Variants in USP45 observed in about 807,000 individuals in gnomAD.
USP45 encodes ubiquitin specific peptidase 45.
In USP45, 89 loss-of-function variants were observed where a neutral mutation model predicts 95.8. That is an observed-to-expected ratio of 0.93 (90% confidence interval 0.78 to 1.11). USP45 has a LOEUF of 1.11. USP45 is among the 50% of genes least tolerant of loss of function. The pLI is 0.00. For missense variants in USP45, 898 were observed against 942.5 expected (o/e 0.95, Z 0.62); for synonymous variants, 281 against 316.2 (o/e 0.89, Z 1.18).
intron 14 of USP45, among the ~76,000 whole-genome samples, 196 bp downstream of exon 14, chr6:99,445,601 C>T (rs1443317942): frequency 2.6e-5 from 4 of 152,124 alleles, no homozygotes; most frequent in African/African-American, 9.6e-5. Context: ...ACTTCCTGCT[C>T]TTTATTTAAA....
chr6:99,485,086 T>C (rs1016241197), intron 7 of USP45, among the ~76,000 whole-genome samples: 13 of 151,236 alleles, frequency 8.6e-5, no homozygotes, highest in Non-Finnish European at 2.9e-5. Context: ...TCCTAGCATT[T>C]TGGGAGGCCG....
chr6:99,514,240 A>C (rs1381931973), intron 1 of USP45, among the ~76,000 whole-genome samples: 1 of 152,182 alleles, frequency 6.6e-6, no homozygotes, highest in African/African-American at 2.4e-5. Flanking sequence ...TAGGCTCCTT[A>C]TGCGGTCTCC....
intron 7 of USP45, among the ~76,000 whole-genome samples, chr6:99,485,448 G>A (rs796639694): frequency 8.5e-5 from 13 of 152,294 alleles, no homozygotes; most frequent in African/African-American, 3.1e-4. Context: ...TTGACAGAAA[G>A]AAGCCAAATG....
chr6:99,480,748 A>G (rs1320383517), intron 8 of USP45, among the ~76,000 whole-genome samples: 2 of 152,190 alleles, frequency 1.3e-5, no homozygotes, highest in Non-Finnish European at 2.9e-5. Flanking sequence ...AAGACTTACT[A>G]TGAAGCTACA....
intron 13 of USP45, chr6:99,461,661 G>C (rs1033752172): frequency 1.1e-4 from 104 of 983,664 alleles, no homozygotes; most frequent in Non-Finnish European, 1.2e-4. Context: ...TTAAGTTTTT[G>C]TGTGGTTTTA....
intron 3 of USP45, among the ~76,000 whole-genome samples, chr6:99,507,909 G>T (rs1798883417): frequency 6.6e-6 from 1 of 152,142 alleles, no homozygotes; most frequent in African/African-American, 2.4e-5. Context: ...CAATCATAGC[G>T]ATTTCCCTCA....
rs1041652226 is a variant in USP45 at position 99,434,166 on chromosome 6, G to A, written c.*1550C>T. 6.6e-6 allele frequency: 1 copy of A among 152,164 alleles called. No individual in the cohort carries two copies. The highest frequency in any genetic ancestry group is 2.4e-5 in the African/African-American group (1 of 41,456). 9.4% of individuals were successfully genotyped at this position (152,164 alleles called of 1,614,324 possible). A position where few individuals can be genotyped will look rare whatever the true frequency, so the allele number is the denominator to read the frequency against. On this transcript the variant is annotated 3_prime_UTR_variant, in exon 18 of 18. Coordinates refer to ENST00000500704, the MANE Select transcript of USP45 (RefSeq NM_001346022.3). Reference sequence around the variant, plus strand: ...ATCTTAAAAATAGAATTTATGCAATGACATTTTTAAGCTCTGCATTTTGTA... The same window carrying A: ...ATCTTAAAAATAGAATTTATGCAATAACATTTTTAAGCTCTGCATTTTGTA...
chr6:99,475,983 C>T (rs755099250), intron 9 of USP45, among the ~76,000 whole-genome samples, 160 bp downstream of exon 9: 3 of 152,074 alleles, frequency 2.0e-5, no homozygotes, highest in East Asian at 1.9e-4. Context: ...CACCACCATG[C>T]GCGGCTAATT....
Position 99,513,011 on chromosome 6 carries a change from G to A in USP45, c.-11+2381C>T, listed in dbSNP as rs556562990. ...CCCTTACAGCAGGGCAGGGAGAAGTGGAAATGGCAAATGGAGAGCTGCTTC... is the reference window on the plus strand; with the variant it reads ...CCCTTACAGCAGGGCAGGGAGAAGTAGAAATGGCAAATGGAGAGCTGCTTC... On this transcript the variant is annotated intron_variant, in intron 1 of 17. Coordinates refer to ENST00000500704, the MANE Select transcript of USP45 (RefSeq NM_001346022.3). Among the ~76,000 whole-genome samples the A allele has an allele frequency of 1.9e-4, 29 of 152,254 alleles. No individual in the cohort carries two copies. The South Asian group carries it at 5.2e-3, about 27-fold the overall frequency.
At chr6:99,436,217 G>A (rs1035577153) in intron 17 of USP45, among the ~76,000 whole-genome samples, 6 of 151,292 alleles carry the variant, frequency 4.0e-5, no homozygotes, top group African/African-American at 1.5e-4. Flanking sequence ...GTACTCATTA[G>A]AACAAATTCT....
At chr6:99,484,864 TTA>T (rs1793479578) in intron 7 of USP45, among the ~76,000 whole-genome samples, 1 of 138,780 alleles carries the variant, frequency 7.2e-6, no homozygotes, top group Non-Finnish European at 1.6e-5. Context: ...CTATTTTTTT[TTA>T]AAGTGTTTTC....
intron 8 of USP45, among the ~76,000 whole-genome samples, chr6:99,478,886 T>C (rs758518935): frequency 6.6e-6 from 1 of 152,056 alleles, no homozygotes; most frequent in Non-Finnish European, 1.5e-5. Context: ...GACTGGTTCA[T>C]GTACACACAA....
At chr6:99,476,266 A>C (rs1199571178) in intron 8 of USP45, 36 bp from the exon 9 acceptor site, 1 of 1,579,120 alleles carries the variant, frequency 6.3e-7, no homozygotes, top group Non-Finnish European at 8.7e-7. Context: ...AGAAAAAAAG[A>C]ATAATCATTC....
intron 5 of USP45, among the ~76,000 whole-genome samples, chr6:99,491,355 G>T (rs1002695106): frequency 7.9e-5 from 12 of 152,314 alleles, no homozygotes; most frequent in Admixed American, 3.9e-4. Context: ...TGCTGGCTGG[G>T]TTTACAGACA....
chr6:99,456,414 C>A (rs188763311), intron 13 of USP45, among the ~76,000 whole-genome samples: 17 of 152,240 alleles, frequency 1.1e-4, no homozygotes, highest in African/African-American at 4.1e-4. Flanking sequence ...TAACTGATAT[C>A]CCAAATACCC....
intron 5 of USP45, among the ~76,000 whole-genome samples, chr6:99,501,152 T>G (rs1797266253): frequency 6.6e-6 from 1 of 151,944 alleles, no homozygotes; most frequent in Admixed American, 6.6e-5. Flanking sequence ...TGTAATCCAC[T>G]CACTCCCCAT....
At chr6:99,448,047 C>T (rs894554106) in intron 13 of USP45, among the ~76,000 whole-genome samples, 1 of 152,126 alleles carries the variant, frequency 6.6e-6, no homozygotes, top group African/African-American at 2.4e-5. Flanking sequence ...CTGTCAGTCA[C>T]CATCATCAAA....
Position 99,450,145 on chromosome 6 carries a change from T to G in USP45, c.1309-3682A>C, listed in dbSNP as rs529405468. Among the ~76,000 whole-genome samples, 48 of 151,318 alleles carry G rather than the reference T, an allele frequency of 3.2e-4. 2 individuals are homozygous for G. In the South Asian group the frequency reaches 9.2e-3, roughly 29 times the overall value. ...ACTAGAGAAGCAAGAGCAAACAAAT[T>G]CAAAAGCTAGCAGAAGGCAAGAAAT... On this transcript the variant is annotated intron_variant, in intron 13 of 17. Coordinates refer to ENST00000500704, the MANE Select transcript of USP45 (RefSeq NM_001346022.3).
intron 15 of USP45, among the ~76,000 whole-genome samples, chr6:99,441,086 T>C (rs1257166012): frequency 6.6e-6 from 1 of 152,244 alleles, no homozygotes; most frequent in Non-Finnish European, 1.5e-5. Context: ...TATTAAAATA[T>C]AAATTTGATA....
Sources: gnomAD v4.1 joint callset for allele counts (sites outside exome capture counted in the v4.1 genomes callset) on GRCh38, gnomAD v4.1.1 for gene constraint, MANE v1.5 for transcripts, NCBI Gene and HGNC (gene_info 2026-07-23, HGNC 2026-07-21) for gene names.